ADAM33: variants seen among roughly 807,000 people sequenced by gnomAD.
The protein encoded by ADAM33 is ADAM metallopeptidase domain 33, also known as disintegrin and metalloproteinase domain-containing protein 33.
In ADAM33, 103 loss-of-function variants were observed where a neutral mutation model predicts 106.2. The observed-to-expected ratio is 0.97, with a 90% CI of 0.83 to 1.14. The LOEUF is 1.14. Ranked by LOEUF, ADAM33 falls within the 50% of genes most tolerant of loss-of-function variation. The pLI, the probability that ADAM33 is intolerant of heterozygous loss-of-function variation, is 0.00. For missense variants in ADAM33, 1,120 were observed against 1,096.6 expected (o/e 1.02, Z -0.30); for synonymous variants, 483 against 453.0 (o/e 1.07, Z -0.84).
At chr20:3,679,437 A>C (rs79485321) in intron 2 of ADAM33, 55 bp downstream of exon 2, 13 of 1,540,000 alleles carry the variant, frequency 8.4e-6, no homozygotes, top group Non-Finnish European at 1.1e-5. Flanking sequence ...AGGGAGAGAC[A>C]AAAGGGCTGG....
chr20:3,676,028 C>T (rs2087925820), intron 3 of ADAM33, among the ~76,000 whole-genome samples: 1 of 152,196 alleles, frequency 6.6e-6, no homozygotes, highest in East Asian at 1.9e-4. Flanking sequence ...AGTTTGTTCC[C>T]TGTCCATCCG....
Position 3,673,656 on chromosome 20 carries a change from C to T in ADAM33, c.908G>A (p.Gly303Asp), listed in dbSNP as rs2087722234. Residue 303 changes from glycine to aspartate, a missense_variant and splice_region_variant, in exon 10 of 22, where the codon GGC becomes GAC. By Grantham distance (94) the Gly-to-Asp change is moderately conservative (BLOSUM62 -1). Transcript: ENST00000356518. ...RPHDSAQLLT[G>D]RAFQGATVGL... Reference sequence around the variant, plus strand: ...CACTGTGGCGCCCTGGAAGGCGCGGCCCCTGGGGGCGGAGCGCGGCGTGAC... The same window carrying T: ...CACTGTGGCGCCCTGGAAGGCGCGGTCCCTGGGGGCGGAGCGCGGCGTGAC... The T allele has an allele frequency of 8.2e-6, 11 of 1,346,048 alleles. No homozygotes were observed. Among genetic ancestry groups the T allele is most frequent in the African/African-American group, 1.5e-5 (1 of 64,752 alleles). The allele number at this position is 1,346,048 out of a possible 1,614,324, so 83.4% of individuals were successfully genotyped here.
At chr20:3,674,188 G>A (rs2087777640) in intron 7 of ADAM33, 31 bp downstream of exon 7, 2 of 1,614,012 alleles carry the variant, frequency 1.2e-6, no homozygotes, top group Admixed American at 1.7e-5. Context: ...CCCCATCCCT[G>A]ACCCCGCCAA....
Position 3,671,260 on chromosome 20 carries a change from T to A in ADAM33, c.2069A>T (p.Asp690Val), listed in dbSNP as rs1228891334. The change falls in exon 18 of 22, where the codon GAC (aspartate) becomes GTC (valine). Residue 690 changes from aspartate to valine, a missense_variant. Physicochemically the swap from Asp to Val is radical, Grantham distance 152. Transcript: ENST00000356518. Reference protein sequence around the residue: ...CDKPGFGGSMDSGPVQAENHD... With the variant: ...CDKPGFGGSMVSGPVQAENHD... The stretch of plus-strand genomic sequence containing the variant: ...ACTTTCAGCCTGCACAGGGCCACTG[T>A]CCATGCTGCCACCAAAGCCTGGCTT... 6.2e-7 allele frequency: 1 copy of A among 1,613,934 alleles called. No homozygotes were observed. Among genetic ancestry groups the A allele is most frequent in the Non-Finnish European group, 8.5e-7 (1 of 1,179,998 alleles).
intron 1 of ADAM33, 117 bp downstream of exon 1, chr20:3,681,791 T>G: frequency 7.2e-7 from 1 of 1,394,594 alleles, no homozygotes; most frequent in Non-Finnish European, 9.3e-7. Flanking sequence ...ACTGGCCGTA[T>G]GGTGCCGGGG....
chr20:3,679,362 A>C, intron 2 of ADAM33, 130 bp downstream of exon 2: 1 of 870,602 alleles, frequency 1.1e-6, no homozygotes, highest in Non-Finnish European at 1.8e-6. Flanking sequence ...CAGGGGAGGC[A>C]GGGGCCTATA....
At chr20:3,679,655 C>T (rs2088303402) in intron 1 of ADAM33, 84 bp from the exon 2 acceptor site, 6 of 1,285,796 alleles carry the variant, frequency 4.7e-6, no homozygotes, top group Non-Finnish European at 6.6e-6. Context: ...GGGTAGAGGA[C>T]ATCCCCAGGG....
intron 21 of ADAM33, 75 bp from the exon 22 acceptor site, chr20:3,669,075 C>T: frequency 1.3e-6 from 2 of 1,507,590 alleles, no homozygotes; most frequent in Non-Finnish European, 1.8e-6. Flanking sequence ...GAGAGCCCAT[C>T]CTCACTCAGT....
intron 19 of ADAM33, chr20:3,670,759 G>A: frequency 4.0e-6 from 2 of 496,480 alleles, no homozygotes; most frequent in Admixed American, 6.6e-5. Context: ...GTGGACAAGA[G>A]GAGCTGTACT....
chr20:3,675,078 T>G lies in ADAM33; in HGVS notation c.282A>C (p.Glu94Asp). 6.2e-7 allele frequency: 1 copy of G among 1,613,258 alleles called. No individual in the cohort carries two copies. The highest frequency in any genetic ancestry group is 8.5e-7 in the Non-Finnish European group (1 of 1,179,836). ...GCTGCCCATCTGGGCCGTAGTGGGTTTCTATGTATCCTGGGGCCAGCAGCC... is the reference window on the plus strand; with the variant it reads ...GCTGCCCATCTGGGCCGTAGTGGGTGTCTATGTATCCTGGGGCCAGCAGCC... ...NHRLLAPGYI[E>D]THYGPDGQPV... is the part of the protein sequence containing the mutation. The change falls in exon 4 of 22, where the codon GAA (glutamate) becomes GAC (aspartate). Residue 94 changes from glutamate to aspartate, a missense_variant. Transcript: ENST00000356518. The surrounding 1 kb of genome is among the most constrained non-coding windows in gnomAD (Gnocchi z 4.1).
intron 3 of ADAM33, 115 bp downstream of exon 3, chr20:3,676,952 A>G: frequency 8.9e-7 from 1 of 1,126,020 alleles, no homozygotes; most frequent in Non-Finnish European, 1.2e-6. Flanking sequence ...TCTCCCTGTC[A>G]TCTGCACCCT....
chr20:3,672,379 GAGAGGTCCAT>G, intron 13 of ADAM33, 50 bp from the exon 14 acceptor site: 1 of 1,598,178 alleles, frequency 6.3e-7, no homozygotes, highest in Non-Finnish European at 8.5e-7. Flanking sequence ...CACGTGCAGT[GAGAGGTCCAT>G]GCCGAGAGCG....
At chr20:3,681,764 T>A in intron 1 of ADAM33, 144 bp downstream of exon 1, 4 of 1,268,200 alleles carry the variant, frequency 3.2e-6, no homozygotes, top group Non-Finnish European at 4.1e-6. Context: ...CCCCAAAGAG[T>A]CCCCACGCCC....
intron 19 of ADAM33, 130 bp downstream of exon 19, chr20:3,670,876 A>G (rs563698300): frequency 3.0e-6 from 4 of 1,325,648 alleles, no homozygotes; most frequent in East Asian, 2.5e-5. Flanking sequence ...ACTTCTTTCC[A>G]TGGCCTCTGG....
At chr20:3,681,750 AC>A (rs530289463) in intron 1 of ADAM33, among the ~76,000 whole-genome samples, 157 bp downstream of exon 1, 123 of 151,254 alleles carry the variant, frequency 8.1e-4, no homozygotes, top group African/African-American at 2.6e-3. Context: ...TCCCACGGAG[AC>A]CCCCCCAAAG....
Position 3,674,853 on chromosome 20 carries a change from G to A in ADAM33, c.334-4C>T, listed in dbSNP as rs762366316. The A allele has an allele frequency of 3.7e-6, 6 of 1,609,638 alleles. 1 individual carries two copies. The East Asian group carries it at 1.1e-4, about 30-fold the overall frequency. On this transcript the variant is annotated splice_region_variant and splice_polypyrimidine_tract_variant and intron_variant, in intron 4 of 21. Transcript: ENST00000356518. The stretch of plus-strand genomic sequence containing the variant: ...GCCCTTGGTAGTGGCAATGATCCTA[G>A]GGAGGAAGGGGCCAGCCCCAAATCT...
At chr20:3,678,771 C>T (rs1440785671) in intron 2 of ADAM33, among the ~76,000 whole-genome samples, 1 of 152,222 alleles carries the variant, frequency 6.6e-6, no homozygotes, top group Non-Finnish European at 1.5e-5. Flanking sequence ...GGACAATTTC[C>T]CCAAGCTCTC....
At chr20:3,674,903 C>T in intron 4 of ADAM33, 54 bp from the exon 5 acceptor site, 1 of 1,607,914 alleles carries the variant, frequency 6.2e-7, no homozygotes, top group East Asian at 2.2e-5. Flanking sequence ...GCAAGAGGGG[C>T]AAGAGGGAGG....
chr20:3,672,028 C>T (rs929255587), intron 14 of ADAM33, 43 bp from the exon 15 acceptor site: 9 of 1,552,806 alleles, frequency 5.8e-6, no homozygotes, highest in Non-Finnish European at 7.8e-6. Context: ...CGGAGAGGGG[C>T]TGCGCTCAGC....
Sources: gnomAD v4.1 joint callset for allele counts (sites outside exome capture counted in the v4.1 genomes callset) on GRCh38, gnomAD v4.1.1 for gene constraint, Gnocchi (gnomAD v3.1) non-coding constraint, MANE v1.5 for transcripts, NCBI Gene and HGNC (gene_info 2026-07-23, HGNC 2026-07-21) for gene names.